NCALD: variants seen among roughly 807,000 people sequenced by gnomAD.
NCALD encodes the protein neurocalcin-delta.
A neutral mutation model predicts 18.6 loss-of-function variants in NCALD; 10 were observed. The ratio of observed to expected loss-of-function variants is 0.54; its 90% CI spans 0.33 to 0.91. The LOEUF is 0.91. NCALD is among the 40% of genes least tolerant of loss of function. The pLI is 0.03. For missense variants in NCALD, 184 were observed against 247.6 expected, an observed-to-expected ratio of 0.74 and a Z score of 1.72; for synonymous variants, 88 against 87.4, an observed-to-expected ratio of 1.01 and a Z score of -0.04.
At chr8:101,736,143 C>A (rs949377262) in intron 1 of NCALD, among the ~76,000 whole-genome samples, 1 of 152,154 alleles carries the variant, frequency 6.6e-6, no homozygotes, top group Non-Finnish European at 1.5e-5. Context: ...CAATAAAAAC[C>A]CCGAGCTGTC....
chr8:101,966,574 T>C (rs572199042), intron 2 of NCALD, among the ~76,000 whole-genome samples: 1 of 152,038 alleles, frequency 6.6e-6, no homozygotes. Context: ...ATGGCACATG[T>C]ATACATATGT....
At chr8:101,895,347 A>G (rs1382054278) in intron 3 of NCALD, among the ~76,000 whole-genome samples, 7 of 139,234 alleles carry the variant, frequency 5.0e-5, no homozygotes, top group Non-Finnish European at 9.0e-5. Flanking sequence ...TAAATTAGGT[A>G]TTGATGGGAC....
Position 101,689,142 on chromosome 8 carries a change from C to A in NCALD, c.*167G>T. Reference sequence around the variant, plus strand: ...TGGGGCTCTGGGCATTCCCACGAAGCATCCACGACAAAAGAAGCTGAAGGC... The same window carrying A: ...TGGGGCTCTGGGCATTCCCACGAAGAATCCACGACAAAAGAAGCTGAAGGC... On this transcript the variant is annotated 3_prime_UTR_variant, in exon 4 of 4. Coordinates refer to ENST00000220931, the MANE Select transcript of NCALD (RefSeq NM_032041.3). The surrounding 1 kb of genome is among the most constrained non-coding windows in gnomAD (Gnocchi z 4.4). 1.4e-6 allele frequency: 1 copy of A among 719,424 alleles called. No homozygotes were observed. The highest frequency in any genetic ancestry group is 2.5e-6 in the Non-Finnish European group (1 of 398,604). 44.6% of individuals were successfully genotyped at this position (719,424 alleles called of 1,614,324 possible).
At chr8:101,884,420 T>C (rs1816602141) in intron 4 of NCALD, among the ~76,000 whole-genome samples, 1 of 152,210 alleles carries the variant, frequency 6.6e-6, no homozygotes, top group African/African-American at 2.4e-5. Flanking sequence ...GCCTGTCACA[T>C]AGCAACTGCT....
chr8:101,865,225 C>T (rs1815720534), intron 4 of NCALD, among the ~76,000 whole-genome samples: 1 of 152,192 alleles, frequency 6.6e-6, no homozygotes, highest in Admixed American at 6.5e-5. Flanking sequence ...TATCATTATT[C>T]TCAATCAATT....
At chr8:101,974,022 A>G (rs145586391) in intron 2 of NCALD, among the ~76,000 whole-genome samples, 2,605 of 152,260 alleles carry the variant, frequency 0.017, 38 homozygotes, top group Non-Finnish European at 0.027. Flanking sequence ...CCATTCTTTC[A>G]TCAGTTTATT....
intron 1 of NCALD, among the ~76,000 whole-genome samples, chr8:101,774,268 C>T (rs1403084051): frequency 6.6e-6 from 1 of 152,176 alleles, no homozygotes; most frequent in Non-Finnish European, 1.5e-5. Flanking sequence ...AAAGCCAATG[C>T]TGTCTTGTTG....
chr8:101,976,362 T>C lies in NCALD; in HGVS notation c.-157+43875A>G, dbSNP rs1000520113. On this transcript the variant is annotated intron_variant, in intron 2 of 6. Coordinates refer to the NCALD transcript ENST00000311028. ...AATGTTCTCCTGAGGGACCTGGGAT[T>C]GGGGACCCCCCGACTAATAACGACC... Among the ~76,000 whole-genome samples the C allele has an allele frequency of 9.2e-5, 14 of 152,306 alleles. No individual in the cohort carries two copies. In the East Asian group the frequency reaches 2.7e-3, roughly 29 times the overall value.
intron 4 of NCALD, among the ~76,000 whole-genome samples, chr8:101,860,647 A>G (rs490125): frequency 0.36 from 54,786 of 152,086 alleles, 11,487 homozygotes; most frequent in African/African-American, 0.57. Flanking sequence ...CAACCATAAT[A>G]ACATAAACAG....
intron 1 of NCALD, among the ~76,000 whole-genome samples, chr8:101,738,612 C>A (rs568644382): frequency 6.7e-6 from 1 of 150,060 alleles, no homozygotes; most frequent in Non-Finnish European, 1.5e-5. Context: ...ACCTAGAACA[C>A]GGAACGCCAA....
rs1563653114 is a variant in NCALD, at chr8:101,689,578, A to G, written c.485-172T>C. ...AGAGCCCAGTGGAATCTCCAGGAACACTGCTGCCTCATTCACCATGGCATT... is the reference window on the plus strand; with the variant it reads ...AGAGCCCAGTGGAATCTCCAGGAACGCTGCTGCCTCATTCACCATGGCATT... On this transcript the variant is annotated intron_variant, in intron 3 of 3. Coordinates refer to ENST00000220931, the MANE Select transcript of NCALD (RefSeq NM_032041.3). This position sits in a 1 kb window ranked among gnomAD's most constrained non-coding sequence, Gnocchi z 4.4. Among the ~76,000 whole-genome samples, 1 of 152,188 alleles carries G rather than the reference A, an allele frequency of 6.6e-6. No individual in the cohort carries two copies. The highest frequency in any genetic ancestry group is 2.4e-5 in the African/African-American group (1 of 41,444).
At chr8:101,915,353 T>C (rs1817936880) in intron 3 of NCALD, among the ~76,000 whole-genome samples, 1 of 152,240 alleles carries the variant, frequency 6.6e-6, no homozygotes, top group Non-Finnish European at 1.5e-5. Context: ...CATTCTCTAA[T>C]ACAAATCTGT....
At chr8:101,928,209 A>G (rs1486113805) in intron 2 of NCALD, among the ~76,000 whole-genome samples, 1 of 152,208 alleles carries the variant, frequency 6.6e-6, no homozygotes, top group East Asian at 1.9e-4. Context: ...CTCATCTTCT[A>G]GGAAAATGAA....
chr8:102,099,029 C>A (rs1825190364), intron 1 of NCALD, among the ~76,000 whole-genome samples: 1 of 152,140 alleles, frequency 6.6e-6, no homozygotes, highest in Non-Finnish European at 1.5e-5. Flanking sequence ...TGGAGAGAAC[C>A]AACTGAGAAT....
intron 2 of NCALD, among the ~76,000 whole-genome samples, chr8:101,978,151 C>T (rs754503822): frequency 1.3e-4 from 20 of 151,568 alleles, no homozygotes; most frequent in Non-Finnish European, 2.5e-4. Context: ...AGTCACACTA[C>T]GCAGGCTGAT....
intron 1 of NCALD, among the ~76,000 whole-genome samples, chr8:101,779,289 C>A (rs1811918637): frequency 6.6e-6 from 1 of 151,990 alleles, no homozygotes; most frequent in Non-Finnish European, 1.5e-5. Context: ...AAATCTAGTC[C>A]ACATTAAATG....
chr8:101,690,670 C>A, intron 3 of NCALD: 1 of 985,456 alleles, frequency 1.0e-6, no homozygotes. Context: ...CACTTTATCT[C>A]CATGAAGGAA....
chr8:101,892,138 G>C (rs866124473), intron 3 of NCALD, among the ~76,000 whole-genome samples: 3 of 150,904 alleles, frequency 2.0e-5, no homozygotes, highest in South Asian at 4.2e-4. Flanking sequence ...AGAGAGCAGT[G>C]GTTCTCCCAG....
chr8:101,747,396 A>G (rs779295904), intron 1 of NCALD, among the ~76,000 whole-genome samples: 2 of 152,246 alleles, frequency 1.3e-5, no homozygotes, highest in Non-Finnish European at 2.9e-5. Flanking sequence ...GTTTGATGAT[A>G]TGGCTAAAAT....
Sources: allele counts gnomAD v4.1 joint callset (sites outside exome capture counted in the v4.1 genomes callset), GRCh38; gene constraint gnomAD v4.1.1; non-coding constraint Gnocchi (gnomAD v3.1); transcripts MANE v1.5; gene names NCBI Gene and HGNC (gene_info 2026-07-23, HGNC 2026-07-21).